The following NPIPB15 variants were observed in gnomAD, a reference collection of about 807,000 sequenced individuals.
NPIPB15 encodes the protein nuclear pore complex-interacting protein family member B15.
NPIPB15 carries 5 observed loss-of-function variants against 35.9 expected under a neutral mutation model. That is an observed-to-expected ratio of 0.14 (90% CI 0.07 to 0.29). The LOEUF (loss-of-function observed/expected upper bound fraction) is 0.29, where lower values mean the gene tolerates loss of function less well. Among genes scored for constraint, NPIPB15 ranks in the 10% least tolerant of loss-of-function variants. The pLI is 1.00. For missense variants in NPIPB15, 100 were observed against 506.1 expected, an observed-to-expected ratio of 0.20 and a Z score of 7.70; for synonymous variants, 43 against 182.0, an observed-to-expected ratio of 0.24 and a Z score of 6.15.
intron 5 of NPIPB15, among the ~76,000 whole-genome samples, chr16:74,386,643 GA>G (rs1432121114): frequency 2.0e-5 from 3 of 151,180 alleles, no homozygotes; most frequent in Admixed American, 1.3e-4. Context: ...ATTCTTAGTA[GA>G]GGCGGGGTTT....
At chr16:74,381,855 G>T (rs1323915283) in intron 3 of NPIPB15, 157 bp downstream of exon 3, 29 of 883,218 alleles carry the variant, frequency 3.3e-5, no homozygotes, top group African/African-American at 3.1e-4. Context: ...GAAAATGTCT[G>T]CCATTTACAT....
At chr16:74,382,530 G>A (rs1356043760) in intron 3 of NPIPB15, among the ~76,000 whole-genome samples, 2 of 152,242 alleles carry the variant, frequency 1.3e-5, no homozygotes, top group Admixed American at 1.3e-4. Context: ...TATGTCAAAA[G>A]TCTGTACTTG....
rs569814319 is a variant in NPIPB15, at chr16:74,376,678, C to T, written c.-691C>T. ...GATTATAGATAAGGACATCATCACT[C>T]GGTTTCAGATGTTAAAATGTCTAGG... On this transcript the variant is annotated 5_prime_UTR_variant, in exon 1 of 8. Coordinates refer to ENST00000692376, the MANE Select transcript of NPIPB15 (RefSeq NM_001306094.2). Among the ~76,000 whole-genome samples the T allele has an allele frequency of 2.6e-5, 4 of 152,248 alleles. No homozygotes were observed. The highest frequency in any genetic ancestry group is 2.1e-4 in the South Asian group (1 of 4,820).
chr16:74,379,822 T>C (rs1366366518), intron 2 of NPIPB15, among the ~76,000 whole-genome samples: 3 of 151,938 alleles, frequency 2.0e-5, no homozygotes, highest in African/African-American at 4.8e-5. Flanking sequence ...TCTCCTGATC[T>C]CGTGGTCCAC....
Position 74,377,259 on chromosome 16 carries a change from A to G in NPIPB15, c.-110A>G, listed in dbSNP as rs370711717. On this transcript the variant is annotated 5_prime_UTR_variant, in exon 1 of 8. Transcript: ENST00000692376. ...TTGTTTTTTATGTTTTGTCGCCAAA[A>G]GTGACCTTGAGGAACCCTGGGAGCT... is the stretch of plus-strand genomic sequence containing the variant. Among the ~76,000 whole-genome samples the G allele has an allele frequency of 8.1e-5, 12 of 148,764 alleles. No individual in the cohort carries two copies. Among genetic ancestry groups the G allele is most frequent in the African/African-American group, 2.3e-4 (9 of 39,518 alleles).
chr16:74,384,760 C>T (rs1177508438), intron 3 of NPIPB15, among the ~76,000 whole-genome samples: 3 of 142,406 alleles, frequency 2.1e-5, no homozygotes, highest in Non-Finnish European at 4.5e-5. Context: ...CAGCTCACCA[C>T]AACCTTTTCC....
intron 5 of NPIPB15, among the ~76,000 whole-genome samples, chr16:74,387,969 G>A (rs1451661995): frequency 6.6e-6 from 1 of 151,924 alleles, no homozygotes; most frequent in Non-Finnish European, 1.5e-5. Flanking sequence ...TCTGTGAACT[G>A]AACCTTGTTA....
chr16:74,377,408 AGGG>A (rs1335825165), intron 1 of NPIPB15, among the ~76,000 whole-genome samples, 62 bp downstream of exon 1: 1 of 151,534 alleles, frequency 6.6e-6, no homozygotes, highest in Non-Finnish European at 1.5e-5. Context: ...GAGATGGGGG[AGGG>A]GTCATTGGAA....
At chr16:74,388,030 G>C (rs1334077866) in intron 5 of NPIPB15, 1 of 531,740 alleles carries the variant, frequency 1.9e-6, no homozygotes, top group Non-Finnish European at 2.4e-6. Context: ...CTATTTTCAG[G>C]ACATAACACC....
At chr16:74,380,016 G>C (rs1163363796) in intron 2 of NPIPB15, among the ~76,000 whole-genome samples, 1 of 149,484 alleles carries the variant, frequency 6.7e-6, no homozygotes, top group Admixed American at 6.7e-5. Context: ...TAATCCAAGA[G>C]AGAAGTATTA....
intron 2 of NPIPB15, among the ~76,000 whole-genome samples, chr16:74,378,626 A>T (rs150052236): frequency 1.3e-5 from 2 of 148,704 alleles, no homozygotes; most frequent in South Asian, 2.1e-4. Flanking sequence ...GTTCGCCAGG[A>T]TAGTCTCCAT....
intron 2 of NPIPB15, among the ~76,000 whole-genome samples, chr16:74,379,351 A>C (rs2011856650): frequency 6.6e-6 from 1 of 152,176 alleles, no homozygotes; most frequent in South Asian, 2.1e-4. Context: ...CACCTGTTGA[A>C]GGGCTATCTC....
intron 3 of NPIPB15, among the ~76,000 whole-genome samples, chr16:74,384,759 A>G (rs1597156131): frequency 1.5e-5 from 2 of 132,494 alleles, no homozygotes; most frequent in African/African-American, 2.9e-5. Flanking sequence ...TCAGCTCACC[A>G]CAACCTTTTC....
chr16:74,389,497 C>T (rs1383711892), intron 5 of NPIPB15, among the ~76,000 whole-genome samples: 17 of 145,198 alleles, frequency 1.2e-4, no homozygotes, highest in Admixed American at 5.2e-4. Context: ...CTCAGCCTCC[C>T]GAGTAGCTGG....
In NPIPB15 at chr16:74,388,724, G is replaced by A. The variant is rs2012402426; in HGVS notation, c.546-1101G>A. ...CTTCTAACCTGAGGAAACTAAGCAT[G>A]AAAGAATGTGAGCACACAGAAAAGG... On this transcript the variant is annotated intron_variant, in intron 5 of 7. Transcript: ENST00000692376. 22 of 963,362 alleles carry A rather than the reference G, an allele frequency of 2.3e-5. 6 individuals carry two copies. The highest frequency in any genetic ancestry group is 2.3e-5 in the Non-Finnish European group (19 of 814,218). The allele number at this position is 963,362 out of a possible 1,614,324, so 59.7% of individuals were successfully genotyped here. A position where few individuals can be genotyped will look rare whatever the true frequency, so the allele number is the denominator to read the frequency against.
At chr16:74,384,963 G>A (rs1260997222) in intron 3 of NPIPB15, among the ~76,000 whole-genome samples, 1 of 145,582 alleles carries the variant, frequency 6.9e-6, no homozygotes, top group Admixed American at 7.0e-5. Context: ...TTACAGGAGT[G>A]AGTCACCGTG....
At chr16:74,384,724 A>G (rs962212109) in intron 3 of NPIPB15, among the ~76,000 whole-genome samples, 7 of 90,796 alleles carry the variant, frequency 7.7e-5, no homozygotes, top group African/African-American at 3.0e-4. Context: ...TTTGTTGCCC[A>G]GGTTTGGAGT....
intron 3 of NPIPB15, among the ~76,000 whole-genome samples, chr16:74,382,438 A>G (rs1339415106): frequency 4.0e-5 from 6 of 151,758 alleles, no homozygotes; most frequent in Admixed American, 2.6e-4. Flanking sequence ...AAGAGAATCA[A>G]TGAAAAGTGT....
intron 5 of NPIPB15, among the ~76,000 whole-genome samples, chr16:74,389,020 G>A (rs867298429): frequency 5.3e-5 from 8 of 149,574 alleles, no homozygotes; most frequent in Non-Finnish European, 7.4e-5. Flanking sequence ...GTAGCAAAAC[G>A]TCTCCTGACC....
Sources: gnomAD v4.1 joint callset for allele counts (sites outside exome capture counted in the v4.1 genomes callset) on GRCh38, gnomAD v4.1.1 for gene constraint, MANE v1.5 for transcripts, NCBI Gene and HGNC (gene_info 2026-07-23, HGNC 2026-07-21) for gene names.